TP53BP2: variants seen among roughly 807,000 people sequenced by gnomAD.
The protein encoded by TP53BP2 is tumor protein p53 binding protein 2.
In TP53BP2, 62 loss-of-function variants were observed where a neutral mutation model predicts 126.2. The observed-to-expected ratio is 0.49, with a 90% confidence interval of 0.40 to 0.61. The LOEUF is 0.61. Among genes scored for constraint, TP53BP2 ranks in the 20% least tolerant of loss-of-function variants. The probability of loss-of-function intolerance (pLI) is 0.00; values close to 1 mark genes in which losing one functional copy is unlikely to be tolerated. For synonymous variants in TP53BP2, 485 were observed against 502.9 expected, an observed-to-expected ratio of 0.96 and a Z score of 0.48; for missense variants, 1,215 against 1,402.8, an observed-to-expected ratio of 0.87 and a Z score of 2.14.
At chr1:223,841,705 G>A (rs1024329273) in intron 1 of TP53BP2, among the ~76,000 whole-genome samples, 1 of 152,054 alleles carries the variant, frequency 6.6e-6, no homozygotes. Context: ...CTGATCAGGT[G>A]GTCAAACTGC....
At chr1:223,815,618 G>C (rs181122765) in intron 2 of TP53BP2, among the ~76,000 whole-genome samples, 1 of 152,180 alleles carries the variant, frequency 6.6e-6, no homozygotes, top group African/African-American at 2.4e-5. Flanking sequence ...CTAACATCCC[G>C]ATGGCCCTGT....
chr1:223,840,951 G>A (rs1475581641), intron 1 of TP53BP2, among the ~76,000 whole-genome samples: 1 of 152,152 alleles, frequency 6.6e-6, no homozygotes, highest in Non-Finnish European at 1.5e-5. Context: ...CAAAACTAAC[G>A]CACATGAAAT....
At chr1:223,810,852 T>C (rs1662887183) in intron 3 of TP53BP2, among the ~76,000 whole-genome samples, 1 of 152,186 alleles carries the variant, frequency 6.6e-6, no homozygotes, top group South Asian at 2.1e-4. Flanking sequence ...TAGTTGCTCT[T>C]CCTAGTCATC....
In TP53BP2 at chr1:223,795,978, G is replaced by C. The variant is rs1184787452; in HGVS notation, c.2561C>G (p.Pro854Arg). The part of the protein sequence containing the change: ...PDNSPNLQNN[P>R]EEPNPEAPHV... ...TGGAGCCTCTGGATTTGGTTCTTCT[G>C]GGTTATTCTGGAGATTTGGGCTGTT... is the stretch of plus-strand genomic sequence containing the variant. The change falls in exon 13 of 18, where the codon CCA (proline) becomes CGA (arginine). Residue 854 changes from proline (P) to arginine (R), a missense_variant. Transcript: ENST00000343537. 1.2e-6 allele frequency: 2 copies of C among 1,613,978 alleles called. No homozygotes were observed. Among genetic ancestry groups the C allele is most frequent in the Non-Finnish European group, 1.7e-6 (2 of 1,180,008 alleles).
Position 223,796,260 on chromosome 1 carries a change from T to C in TP53BP2, c.2279A>G (p.Tyr760Cys), listed in dbSNP as rs1423967492. The C allele has an allele frequency of 6.2e-7, 1 of 1,613,986 alleles. No homozygotes were observed. The part of the protein sequence containing the change: ...PNGPNIQKLL[Y>C]QRTTIAAMET... ...CATGGCCGCTATGGTGGTCCTCTGA[T>C]ATAAAAGCTTCTGAATATTTGGCCC... The change falls in exon 13 of 18, where the codon TAT (tyrosine) becomes TGT (cysteine). Residue 760 changes from tyrosine to cysteine, a missense_variant. Tyr to Cys is a radical substitution (Grantham distance 194). Around this residue, in one of 4 missense-constraint regions of TP53BP2, gnomAD observed 46 missense variants for 93.0 expected, o/e 0.49. Coordinates refer to ENST00000343537, the MANE Select transcript of TP53BP2 (RefSeq NM_001031685.3). This position sits in a 1 kb window ranked among gnomAD's most constrained non-coding sequence, Gnocchi z 4.2.
At position 223,831,092 on chromosome 1, in the gene TP53BP2, T is replaced by C. The variant is rs1398715499; in HGVS notation, c.28-9725A>G. On this transcript the variant is annotated intron_variant, in intron 1 of 17. Transcript: ENST00000343537. ...CAGCCTGGGAGAGAGAGTGAGACTC[T>C]TTCTCAAAAAGCAGGCAGGGTGGCT... Among the ~76,000 whole-genome samples, 11 of 134,162 alleles carry C rather than the reference T, an allele frequency of 8.2e-5. No individual in the cohort carries two copies. In the East Asian group the frequency reaches 1.9e-3, roughly 23 times the overall value. The allele number at this position is 134,162 out of a possible 152,430, so 88.0% of individuals were successfully genotyped here.
intron 3 of TP53BP2, among the ~76,000 whole-genome samples, 189 bp from the exon 4 acceptor site, chr1:223,810,702 T>C (rs949172806): frequency 6.6e-6 from 1 of 152,234 alleles, no homozygotes; most frequent in Admixed American, 6.5e-5. Context: ...ATTAATTTCA[T>C]GGAACAGTGA....
At chr1:223,792,876 AG>A (rs1301854391) in intron 14 of TP53BP2, among the ~76,000 whole-genome samples, 8 of 151,524 alleles carry the variant, frequency 5.3e-5, no homozygotes, top group Non-Finnish European at 8.8e-5. Flanking sequence ...AAAAAAAAAA[AG>A]GTCAACTAAA....
At chr1:223,786,587 T>C (rs886555557) in intron 16 of TP53BP2, among the ~76,000 whole-genome samples, 1 of 148,920 alleles carries the variant, frequency 6.7e-6, no homozygotes, top group Admixed American at 6.7e-5. Flanking sequence ...TGTGCGTGTG[T>C]GTGTGTGTGT....
chr1:223,834,926 C>A, intron 1 of TP53BP2: 1 of 933,646 alleles, frequency 1.1e-6, no homozygotes, highest in Non-Finnish European at 1.3e-6. Flanking sequence ...CTGGTCTATA[C>A]ATTCTTTAGT....
chr1:223,816,142 C>T (rs761539242), intron 2 of TP53BP2, among the ~76,000 whole-genome samples: 1 of 152,220 alleles, frequency 6.6e-6, no homozygotes, highest in Non-Finnish European at 1.5e-5. Context: ...ATTACTGCAA[C>T]TATCACATTG....
At chr1:223,811,749 C>G (rs1441764025) in intron 3 of TP53BP2, among the ~76,000 whole-genome samples, 1 of 151,988 alleles carries the variant, frequency 6.6e-6, no homozygotes, top group African/African-American at 2.4e-5. Flanking sequence ...AGGTCTAGAC[C>G]AAAAACAGTA....
Position 223,802,251 on chromosome 1 carries a change from G to A in TP53BP2, c.1090C>T (p.Arg364Trp), listed in dbSNP as rs372619455. 19 of 1,614,082 alleles carry A rather than the reference G, an allele frequency of 1.2e-5. No individual in the cohort carries two copies. Among genetic ancestry groups the A allele is most frequent in the Admixed American group, 1.2e-4 (7 of 60,008 alleles). Residue 364 changes from arginine (R) to tryptophan (W), a missense_variant, in exon 9 of 18, where the codon CGG becomes TGG. Arg to Trp is a moderately radical substitution (Grantham distance 101). This residue lies in a region of TP53BP2 where 814 missense variants were observed against 853.0 expected (regional missense o/e 0.95). Coordinates refer to ENST00000343537, the MANE Select transcript of TP53BP2 (RefSeq NM_001031685.3). The stretch of plus-strand genomic sequence containing the variant: ...AGCAATTCAGGCCTTGAGGGCATCC[G>A]AGGCATAGTAGACGACTGGATATAG... ...GPYIQSSTMP[R>W]MPSRPELLVK...
intron 3 of TP53BP2, among the ~76,000 whole-genome samples, chr1:223,812,113 TTAAAA>T (rs1464401277): frequency 6.6e-6 from 1 of 151,858 alleles, no homozygotes; most frequent in Non-Finnish European, 1.5e-5. Context: ...ACATGTTTAC[TTAAAA>T]TAAAATTACA....
intron 12 of TP53BP2, among the ~76,000 whole-genome samples, chr1:223,797,780 A>T (rs564519785): frequency 6.6e-6 from 1 of 151,208 alleles, no homozygotes; most frequent in Non-Finnish European, 1.5e-5. Flanking sequence ...TATGTGTGTG[A>T]TGTGTGTGTG....
rs1480501698 is a variant in TP53BP2 at position 223,814,042 on chromosome 1, T to C, written c.289+198A>G. On this transcript the variant is annotated intron_variant, in intron 3 of 17. Transcript: ENST00000343537. Reference sequence around the variant, plus strand: ...TTCCTTTCTTATAGTTTCAACCCCCTGCTCTAATGACTCCTTCCCACCTGC... The same window carrying C: ...TTCCTTTCTTATAGTTTCAACCCCCCGCTCTAATGACTCCTTCCCACCTGC... The C allele has an allele frequency of 7.6e-6, 4 of 529,636 alleles. No individual in the cohort carries two copies. The East Asian group carries it at 8.8e-5, about 12-fold the overall frequency. 32.8% of individuals were successfully genotyped at this position (529,636 alleles called of 1,614,324 possible). A position where few individuals can be genotyped will look rare whatever the true frequency, so the allele number is the denominator to read the frequency against.
At chr1:223,787,649 G>A (rs921542587) in intron 16 of TP53BP2, among the ~76,000 whole-genome samples, 1 of 152,088 alleles carries the variant, frequency 6.6e-6, no homozygotes, top group East Asian at 1.9e-4. Flanking sequence ...GGCCAAGACA[G>A]GCAGATTGCC....
chr1:223,845,609 C>T, intron 1 of TP53BP2, 45 bp downstream of exon 1: 1 of 1,532,752 alleles, frequency 6.5e-7, no homozygotes. Context: ...GGCACGCGAC[C>T]CCGCACACTT....
chr1:223,805,988 G>C (rs568544782), intron 5 of TP53BP2, among the ~76,000 whole-genome samples: 111 of 152,266 alleles, frequency 7.3e-4, no homozygotes, highest in Non-Finnish European at 1.4e-3. Flanking sequence ...GCCTATGGCT[G>C]GCAGGAGAAG....
Sources: gnomAD v4.1 joint callset for allele counts (sites outside exome capture counted in the v4.1 genomes callset) on GRCh38, gnomAD v4.1.1 for gene constraint, gnomAD v4.1.1 regional missense constraint, Gnocchi (gnomAD v3.1) non-coding constraint, MANE v1.5 for transcripts, NCBI Gene and HGNC (gene_info 2026-07-23, HGNC 2026-07-21) for gene names.